The following RAB3C variants were observed in gnomAD, a reference collection of about 807,000 sequenced individuals.
RAB3C encodes the protein RAB3C, member RAS oncogene family, also known as ras-related protein Rab-3C.
Under a neutral mutation model 26.4 loss-of-function variants are expected in RAB3C, and 17 were observed. The observed-to-expected ratio is 0.64, with a 90% CI of 0.44 to 0.97. RAB3C has a LOEUF of 0.97. Among genes scored for constraint, RAB3C ranks in the 50% least tolerant of loss-of-function variants. The pLI is 0.00. For synonymous variants in RAB3C, 91 were observed against 95.9 expected, an observed-to-expected ratio of 0.95 and a Z score of 0.30; for missense variants, 242 against 281.9, an observed-to-expected ratio of 0.86 and a Z score of 1.01.
At chr5:58,729,872 AT>A (rs2111927053) in intron 3 of RAB3C, among the ~76,000 whole-genome samples, 1 of 146,438 alleles carries the variant, frequency 6.8e-6, no homozygotes, top group African/African-American at 2.5e-5. Context: ...GTATATTTAT[AT>A]TATATATACA....
chr5:58,755,388 C>A (rs915713691), intron 3 of RAB3C, among the ~76,000 whole-genome samples: 1 of 152,128 alleles, frequency 6.6e-6, no homozygotes, highest in Non-Finnish European at 1.5e-5. Context: ...GTGGGATACA[C>A]TTTGTGTAAT....
At chr5:58,584,423 A>G (rs1044657487) in intron 1 of RAB3C, among the ~76,000 whole-genome samples, 5 of 152,164 alleles carry the variant, frequency 3.3e-5, no homozygotes, top group Non-Finnish European at 5.9e-5. Flanking sequence ...GTTCCAGGGA[A>G]CAGTGGCCCC....
At chr5:58,639,505 T>C (rs1401517328) in intron 2 of RAB3C, among the ~76,000 whole-genome samples, 1 of 152,144 alleles carries the variant, frequency 6.6e-6, no homozygotes, top group African/African-American at 2.4e-5. Context: ...TTCCTCTGTG[T>C]CCTCACATGG....
chr5:58,858,997 G>A lies in RAB3C; in HGVS notation c.*7646G>A, dbSNP rs895516402. 4.6e-5 allele frequency: 7 copies of A among 152,136 alleles called. No individual in the cohort carries two copies. The highest frequency in any genetic ancestry group is 8.8e-5 in the Non-Finnish European group (6 of 68,038). 9.4% of individuals were successfully genotyped at this position (152,136 alleles called of 1,614,324 possible). Reference sequence around the variant, plus strand: ...TCTGTAGCTCCATGTTTCCCATAAAGGGCATTGGAAATGCACAGATGAAGA... The same window carrying A: ...TCTGTAGCTCCATGTTTCCCATAAAAGGCATTGGAAATGCACAGATGAAGA... On this transcript the variant is annotated 3_prime_UTR_variant, in exon 5 of 5. Coordinates refer to ENST00000282878, the MANE Select transcript of RAB3C (RefSeq NM_138453.4).
At chr5:58,611,433 T>C (rs1482848377) in intron 1 of RAB3C, among the ~76,000 whole-genome samples, 1 of 152,208 alleles carries the variant, frequency 6.6e-6, no homozygotes, top group Non-Finnish European at 1.5e-5. Context: ...CTGACTGGTG[T>C]GAAATGGTAT....
intron 4 of RAB3C, among the ~76,000 whole-genome samples, chr5:58,841,241 G>C (rs1174016400): frequency 6.6e-6 from 1 of 152,204 alleles, no homozygotes; most frequent in African/African-American, 2.4e-5. Flanking sequence ...GCATGTAGCA[G>C]TTTGGCTGGC....
chr5:58,840,411 T>C (rs1048180585), intron 4 of RAB3C, among the ~76,000 whole-genome samples: 3 of 152,182 alleles, frequency 2.0e-5, no homozygotes, highest in Non-Finnish European at 4.4e-5. Context: ...TATATTCTCT[T>C]GTATCTCAGT....
At chr5:58,610,864 C>T (rs888161704) in intron 1 of RAB3C, among the ~76,000 whole-genome samples, 4 of 151,890 alleles carry the variant, frequency 2.6e-5, no homozygotes, top group African/African-American at 9.7e-5. Flanking sequence ...GTATTAAGCC[C>T]AGTACCCCTT....
intron 2 of RAB3C, among the ~76,000 whole-genome samples, chr5:58,626,952 G>C (rs1410437602): frequency 6.6e-6 from 1 of 152,062 alleles, no homozygotes; most frequent in Non-Finnish European, 1.5e-5. Context: ...ATTGCTCTCT[G>C]GATCACCTGG....
intron 2 of RAB3C, among the ~76,000 whole-genome samples, chr5:58,669,680 T>G (rs774211807): frequency 2.0e-5 from 3 of 152,152 alleles, no homozygotes; most frequent in Non-Finnish European, 4.4e-5. Context: ...GTGCTTTGGA[T>G]TTTTTCATCT....
At chr5:58,756,753 T>C (rs557854886) in intron 3 of RAB3C, among the ~76,000 whole-genome samples, 2,649 of 144,530 alleles carry the variant, frequency 0.018, 81 homozygotes, top group African/African-American at 0.064. Flanking sequence ...CTTCTCCATG[T>C]TCCTGCAAAG....
At chr5:58,702,341 A>C (rs1748861956) in intron 2 of RAB3C, among the ~76,000 whole-genome samples, 1 of 152,148 alleles carries the variant, frequency 6.6e-6, no homozygotes, top group Non-Finnish European at 1.5e-5. Flanking sequence ...ATCCATGCAA[A>C]CTACTTTTAG....
intron 1 of RAB3C, among the ~76,000 whole-genome samples, chr5:58,593,431 C>T (rs1402533735): frequency 6.6e-6 from 1 of 152,058 alleles, no homozygotes; most frequent in Non-Finnish European, 1.5e-5. Context: ...TAAATAATAA[C>T]ATTAGTGCTT....
At chr5:58,627,557 C>T (rs891553989) in intron 2 of RAB3C, among the ~76,000 whole-genome samples, 1 of 146,040 alleles carries the variant, frequency 6.8e-6, no homozygotes. Flanking sequence ...CATTTAATTA[C>T]CCCATATTTA....
intron 2 of RAB3C, among the ~76,000 whole-genome samples, chr5:58,656,292 A>G (rs1747771082): frequency 6.6e-6 from 1 of 152,134 alleles, no homozygotes; most frequent in South Asian, 2.1e-4. Context: ...AAAGACCTCT[A>G]TTTTTCAGCA....
rs546320817 is a variant in RAB3C at position 58,601,180 on chromosome 5, A to G, written c.25-16463A>G. ...TATGTATGTTAAACTGTCCCTGCAT[A>G]TCTGGTATGAAACCCTCTTGATCAT... On this transcript the variant is annotated intron_variant, in intron 1 of 4. Transcript: ENST00000282878. 2.8e-4 allele frequency among the ~76,000 whole-genome samples: 42 copies of G among 152,208 alleles called. 1 individual carries two copies. The South Asian group carries it at 8.7e-3, about 32-fold the overall frequency.
chr5:58,591,999 A>G (rs370204427), intron 1 of RAB3C, among the ~76,000 whole-genome samples: 2 of 151,368 alleles, frequency 1.3e-5, no homozygotes, highest in East Asian at 3.9e-4. Flanking sequence ...CCCGGGTTCA[A>G]GCGATTCTCC....
intron 2 of RAB3C, among the ~76,000 whole-genome samples, chr5:58,720,945 C>T (rs188873952): frequency 6.6e-6 from 1 of 151,912 alleles, no homozygotes; most frequent in East Asian, 1.9e-4. Context: ...GCTATTTCCT[C>T]AGTTTTAAAA....
At chr5:58,599,309 T>C (rs1746397916) in intron 1 of RAB3C, among the ~76,000 whole-genome samples, 1 of 152,204 alleles carries the variant, frequency 6.6e-6, no homozygotes, top group South Asian at 2.1e-4. Context: ...AGCTGGGTCC[T>C]GTCTGCCATC....
Sources: gnomAD v4.1 joint callset for allele counts (sites outside exome capture counted in the v4.1 genomes callset) on GRCh38, gnomAD v4.1.1 for gene constraint, MANE v1.5 for transcripts, NCBI Gene and HGNC (gene_info 2026-07-23, HGNC 2026-07-21) for gene names.